The following RUBCN variants were observed in gnomAD, a reference collection of about 807,000 sequenced individuals.
The protein encoded by RUBCN is run domain Beclin-1-interacting and cysteine-rich domain-containing protein.
Under a neutral mutation model 113.2 loss-of-function variants are expected in RUBCN, and 74 were observed. The observed-to-expected ratio is 0.65, with a 90% CI of 0.54 to 0.79. RUBCN has a LOEUF of 0.79. Among genes scored for constraint, RUBCN ranks in the 30% least tolerant of loss-of-function variants. The probability of loss-of-function intolerance (pLI) is 0.00; values close to 1 mark genes in which losing one functional copy is unlikely to be tolerated. For synonymous variants in RUBCN, 480 were observed against 490.0 expected (o/e 0.98, Z 0.27); for missense variants, 1,109 against 1,251.7 (o/e 0.89, Z 1.72).
rs1165064210 is a variant in RUBCN at position 197,703,397 on chromosome 3, CAAAAAAAAAAAAA to C, written c.570+138_570+150del. 787 of 155,576 alleles carry C rather than the reference CAAAAAAAAAAAAA, an allele frequency of 5.1e-3. 3 individuals are homozygous for C. Among genetic ancestry groups the C allele is most frequent in the East Asian group, 0.014 (71 of 5,114 alleles). 9.6% of individuals were successfully genotyped at this position (155,576 alleles called of 1,614,324 possible). A position where few individuals can be genotyped will look rare whatever the true frequency, so the allele number is the denominator to read the frequency against. Reference sequence around the variant, plus strand: ...TGGGAAACAGAGCGAGACTCTGTCTCAAAAAAAAAAAAAAAAAAAAAAAAAAAAAAAAAAATGC... The same window carrying C: ...TGGGAAACAGAGCGAGACTCTGTCTCAAAAAAAAAAAAAAAAAAAAAATGC... On this transcript the variant is annotated intron_variant, in intron 5 of 19. Coordinates refer to ENST00000296343, the MANE Select transcript of RUBCN (RefSeq NM_014687.4).
intron 18 of RUBCN, 62 bp downstream of exon 18, chr3:197,676,819 TCCAC>T: frequency 6.2e-7 from 1 of 1,611,570 alleles, no homozygotes; most frequent in Non-Finnish European, 8.5e-7. Context: ...GAACCCCAGG[TCCAC>T]CCCCCTCCCT....
At position 197,674,853 on chromosome 3, in the gene RUBCN, AC is replaced by A; in HGVS notation, c.*164del. On this transcript the variant is annotated 3_prime_UTR_variant, in exon 20 of 20. Transcript: ENST00000296343. ...GGACCCATCAACCTGCCGACGGCTG[AC>A]TGCACACAGACGTCAGACAAGTCAG... is the stretch of plus-strand genomic sequence containing the variant. The A allele has an allele frequency of 3.3e-6, 2 of 600,500 alleles. No homozygotes were observed. The highest frequency in any genetic ancestry group is 2.5e-5 in the South Asian group (1 of 40,286). 37.2% of individuals were successfully genotyped at this position (600,500 alleles called of 1,614,324 possible).
rs1347684614 is a variant in RUBCN at position 197,695,877 on chromosome 3, C to G, written c.1462G>C (p.Asp488His). ...CCTCGATTTCCCACCTTTTCCAGGT[C>G]GGCACAGCTGCCGAAGTCTTGCTCA... ...LSEQDFGSCADLEKENAHFSI... is the reference protein window; with the variant it reads ...LSEQDFGSCAHLEKENAHFSI... The change falls in exon 9 of 20, where the codon GAC becomes CAC. Residue 488 changes from aspartate to histidine, a missense_variant. Transcript: ENST00000296343. 6.2e-7 allele frequency: 1 copy of G among 1,613,954 alleles called. No homozygotes were observed. The highest frequency in any genetic ancestry group is 8.5e-7 in the Non-Finnish European group (1 of 1,179,970).
At chr3:197,710,588 AAC>A (rs1724849490) in intron 2 of RUBCN, among the ~76,000 whole-genome samples, 1 of 150,824 alleles carries the variant, frequency 6.6e-6, no homozygotes, top group South Asian at 2.1e-4. Context: ...TAACGAGTGA[AAC>A]TCCATCTCAA....
exon 1 of RUBCN, chr3:197,749,576 A>G: frequency 7.8e-7 from 1 of 1,284,954 alleles, no homozygotes; most frequent in Middle Eastern, 2.1e-4. Flanking sequence ...GTACCGAAGT[A>G]TAGGGGACCT....
intron 1 of RUBCN, among the ~76,000 whole-genome samples, chr3:197,723,885 A>C (rs1018070629): frequency 9.9e-5 from 15 of 152,022 alleles, no homozygotes; most frequent in African/African-American, 3.6e-4. Context: ...ACCTGAGGTC[A>C]GGAGTTCGAG....
At chr3:197,696,923 C>G (rs1723073086) in intron 8 of RUBCN, 31 bp downstream of exon 8, 2 of 1,205,158 alleles carry the variant, frequency 1.7e-6, no homozygotes, top group African/African-American at 1.5e-5. Flanking sequence ...AGAAAATATA[C>G]AATTTTAGCC....
chr3:197,726,862 A>T (rs1451272258), intron 1 of RUBCN, among the ~76,000 whole-genome samples: 21 of 151,940 alleles, frequency 1.4e-4, no homozygotes. Context: ...CACCCAGTAG[A>T]AAGAAAATAG....
At chr3:197,707,801 C>G (rs976525105) in intron 2 of RUBCN, among the ~76,000 whole-genome samples, 2 of 127,212 alleles carry the variant, frequency 1.6e-5, no homozygotes, top group Non-Finnish European at 3.5e-5. Context: ...CCTGTCTCTA[C>G]TAAAGATACA....
intron 1 of RUBCN, among the ~76,000 whole-genome samples, chr3:197,742,557 C>T (rs917509909): frequency 6.6e-6 from 1 of 152,322 alleles, no homozygotes; most frequent in East Asian, 1.9e-4. Flanking sequence ...TTCGTTTTGT[C>T]CCTGCCCCAG....
At chr3:197,741,707 C>T (rs1055258414), upstream of RUBCN, among the ~76,000 whole-genome samples, 1 of 151,880 alleles carries the variant, frequency 6.6e-6, no homozygotes, top group Non-Finnish European at 1.5e-5. Flanking sequence ...CCTGTAATCC[C>T]AGCTACCTGG....
Position 197,681,143 on chromosome 3 carries a change from G to A in RUBCN, c.2416C>T (p.Leu806Phe), listed in dbSNP as rs1721186171. 3.1e-6 allele frequency: 5 copies of A among 1,612,870 alleles called. No individual in the cohort carries two copies. Among genetic ancestry groups the A allele is most frequent in the South Asian group, 1.1e-5 (1 of 91,030 alleles). Residue 806 changes from leucine to phenylalanine, a missense_variant, in exon 16 of 20, where the codon CTC becomes TTC. Coordinates refer to ENST00000296343, the MANE Select transcript of RUBCN (RefSeq NM_014687.4). This position sits in a 1 kb window ranked among gnomAD's most constrained non-coding sequence, Gnocchi z 5.5. The stretch of plus-strand genomic sequence containing the variant: ...CAAGGTCTTACCCGGACTTGATTGA[G>A]CAGCTTGACCTTCCTATAGAGGGCA... Reference protein sequence around the residue: ...NSALYRKVKLLNQVRLLRVQL... With the variant: ...NSALYRKVKLFNQVRLLRVQL...
chr3:197,738,967 T>C (rs1242778438), upstream of RUBCN, among the ~76,000 whole-genome samples: 4 of 151,744 alleles, frequency 2.6e-5, no homozygotes, highest in Non-Finnish European at 5.9e-5. Context: ...CACTATATTA[T>C]TTATTTATTT....
chr3:197,721,963 G>A (rs1187243581), intron 1 of RUBCN, among the ~76,000 whole-genome samples: 2 of 152,172 alleles, frequency 1.3e-5, no homozygotes, highest in Non-Finnish European at 2.9e-5. Flanking sequence ...GAATGGCCGG[G>A]TGCGGTGGCT....
chr3:197,718,514 A>G (rs1465117537), intron 1 of RUBCN, among the ~76,000 whole-genome samples: 1 of 152,166 alleles, frequency 6.6e-6, no homozygotes, highest in Non-Finnish European at 1.5e-5. Context: ...TGGTGGCATG[A>G]TCACAGCTCA....
chr3:197,692,581 G>A (rs1722542788), intron 11 of RUBCN, among the ~76,000 whole-genome samples: 1 of 152,078 alleles, frequency 6.6e-6, no homozygotes, highest in Non-Finnish European at 1.5e-5. Flanking sequence ...CAGGTAGTTA[G>A]TGTCAGAGCT....
At chr3:197,696,585 G>C (rs1283754592) in intron 8 of RUBCN, among the ~76,000 whole-genome samples, 2 of 152,098 alleles carry the variant, frequency 1.3e-5, no homozygotes, top group Non-Finnish European at 2.9e-5. Context: ...GACACAAATG[G>C]CTTCCTCCTC....
intron 2 of RUBCN, 52 bp from the exon 3 acceptor site, chr3:197,705,227 C>G (rs1331287285): frequency 6.6e-6 from 10 of 1,516,392 alleles, no homozygotes; most frequent in Admixed American, 1.7e-5. Context: ...TGGACCAGAT[C>G]TAGTTCTAGG....
intron 9 of RUBCN, among the ~76,000 whole-genome samples, chr3:197,695,459 G>C (rs1052913444): frequency 6.6e-6 from 1 of 152,216 alleles, no homozygotes; most frequent in Non-Finnish European, 1.5e-5. Flanking sequence ...AAAATAGCCA[G>C]GTGTGGTGGT....
Sources: gnomAD v4.1 joint callset for allele counts (sites outside exome capture counted in the v4.1 genomes callset) on GRCh38, gnomAD v4.1.1 for gene constraint, Gnocchi (gnomAD v3.1) non-coding constraint, MANE v1.5 for transcripts, NCBI Gene and HGNC (gene_info 2026-07-23, HGNC 2026-07-21) for gene names.